Variants in TARBP1 observed in about 807,000 individuals in gnomAD.
TARBP1 encodes the protein tRNA (guanosine(18)-2'-O)-methyltransferase TARBP1.
TARBP1 carries 144 observed loss-of-function variants against 178.6 expected under a neutral mutation model. That is an observed-to-expected ratio of 0.81 (90% CI 0.70 to 0.93). The LOEUF (loss-of-function observed/expected upper bound fraction) is 0.93, where lower values mean the gene tolerates loss of function less well. Ranked by LOEUF, TARBP1 falls within the 40% of genes least tolerant of loss-of-function variation. The probability of loss-of-function intolerance (pLI) is 0.00; values close to 1 mark genes in which losing one functional copy is unlikely to be tolerated. For missense variants in TARBP1, 2,067 were observed against 2,011.7 expected, an observed-to-expected ratio of 1.03 and a Z score of -0.53; for synonymous variants, 787 against 781.0, an observed-to-expected ratio of 1.01 and a Z score of -0.13.
At chr1:234,403,747 A>C (rs534102880) in intron 24 of TARBP1, among the ~76,000 whole-genome samples, 1 of 152,200 alleles carries the variant, frequency 6.6e-6, no homozygotes, top group African/African-American at 2.4e-5. Flanking sequence ...GCAGTGGCGC[A>C]ATCTTGGCTC....
intron 12 of TARBP1, among the ~76,000 whole-genome samples, chr1:234,443,793 T>C (rs1412930094): frequency 3.3e-5 from 5 of 152,212 alleles, no homozygotes; most frequent in Non-Finnish European, 7.3e-5. Context: ...CAAAGCATGA[T>C]ACATGCTACA....
Position 234,402,648 on chromosome 1 carries a change from C to T in TARBP1, c.3990-1386G>A, listed in dbSNP as rs193288040. 1.8e-3 allele frequency among the ~76,000 whole-genome samples: 281 copies of T among 152,142 alleles called. 1 individual carries two copies. Among genetic ancestry groups the T allele is most frequent in the African/African-American group, 6.5e-3 (269 of 41,514 alleles). On this transcript the variant is annotated intron_variant, in intron 24 of 29. Transcript: ENST00000040877. Reference sequence around the variant, plus strand: ...GGAGTGCAGTGGTGCAATCTCCGCTCACTGCAGCCTCAACTTCTTGGGCTC... The same window carrying T: ...GGAGTGCAGTGGTGCAATCTCCGCTTACTGCAGCCTCAACTTCTTGGGCTC...
chr1:234,476,342 A>G (rs1418040895), intron 1 of TARBP1, among the ~76,000 whole-genome samples: 1 of 152,238 alleles, frequency 6.6e-6, no homozygotes, highest in East Asian at 1.9e-4. Flanking sequence ...CAAGTGAGTA[A>G]AGCAAAAAAG....
chr1:234,428,792 C>T (rs886114646), intron 17 of TARBP1, among the ~76,000 whole-genome samples: 7 of 152,164 alleles, frequency 4.6e-5, no homozygotes, highest in African/African-American at 1.2e-4. Flanking sequence ...GTGATCCGCC[C>T]GCCTCAGCCT....
chr1:234,417,328 ACAGG>A (rs1201101928), intron 22 of TARBP1, among the ~76,000 whole-genome samples: 2 of 151,684 alleles, frequency 1.3e-5, no homozygotes, highest in Non-Finnish European at 2.9e-5. Context: ...CAAACAGGTC[ACAGG>A]GGATAGATGT....
At chr1:234,425,437 C>T (rs765420908) in intron 20 of TARBP1, among the ~76,000 whole-genome samples, 26 of 151,976 alleles carry the variant, frequency 1.7e-4, no homozygotes, top group African/African-American at 5.8e-4. Context: ...CCCAGCTGGT[C>T]GCAAACTCCT....
At chr1:234,427,997 C>A (rs2103120995) in intron 17 of TARBP1, among the ~76,000 whole-genome samples, 1 of 152,300 alleles carries the variant, frequency 6.6e-6, no homozygotes, top group East Asian at 1.9e-4. Context: ...CAGGACTCTT[C>A]AAGAGAAACA....
chr1:234,409,001 G>C (rs910321107), intron 23 of TARBP1, among the ~76,000 whole-genome samples: 3 of 152,362 alleles, frequency 2.0e-5, no homozygotes, highest in African/African-American at 7.2e-5. Context: ...TGCAGGTTAA[G>C]TAAGATGCTT....
At position 234,479,090 on chromosome 1, in the gene TARBP1, A is replaced by G. The variant is rs1218936455; in HGVS notation, c.14T>C (p.Leu5Pro). Residue 5 changes from leucine to proline, a missense_variant, in exon 1 of 30, where the codon CTC (leucine) becomes CCC (proline). By Grantham distance (98) the Leu-to-Pro change is moderately conservative (BLOSUM62 -3). Transcript: ENST00000040877. MEWV[L>P]AEALLSQSRD... ...GCTCTGCGAGAGCAGCGCTTCCGCG[A>G]GCACCCACTCCATTTGCCGAGCGCC... 3 of 1,538,274 alleles carry G rather than the reference A, an allele frequency of 2.0e-6. No individual in the cohort carries two copies. The highest frequency in any genetic ancestry group is 1.7e-6 in the Non-Finnish European group (2 of 1,155,426).
rs780638354 is a variant in TARBP1, at chr1:234,467,478, A to G, written c.1248+24T>C. 13 of 1,528,394 alleles carry G rather than the reference A, an allele frequency of 8.5e-6. No homozygotes were observed. In the South Asian group the frequency reaches 1.7e-4, roughly 20 times the overall value. 94.7% of individuals were successfully genotyped at this position (1,528,394 alleles called of 1,614,324 possible). ...CTCTCGCCTTTCAACAATGGGAGCA[A>G]GGAAGGGGACAGGGTGTCATTACCT... On this transcript the variant is annotated intron_variant, in intron 4 of 29. Coordinates refer to ENST00000040877, the MANE Select transcript of TARBP1 (RefSeq NM_005646.4).
At chr1:234,437,715 T>A (rs1235242204) in intron 12 of TARBP1, among the ~76,000 whole-genome samples, 2 of 151,918 alleles carry the variant, frequency 1.3e-5, no homozygotes, top group Non-Finnish European at 2.9e-5. Context: ...CAGTGGTGAG[T>A]TTACTAATGT....
intron 9 of TARBP1, among the ~76,000 whole-genome samples, chr1:234,451,766 A>AAAAAAAAAAAAAAACAAAAAAAC (rs57636903): frequency 0.094 from 1,595 of 16,938 alleles, 541 homozygotes; most frequent in East Asian, 0.48. Context: ...AAAAAAAAAA[A>AAAAAAAAAAAAAAACAAAAAAAC]TGATGAATGA....
At chr1:234,414,051 G>A (rs1662146841) in intron 22 of TARBP1, among the ~76,000 whole-genome samples, 1 of 152,148 alleles carries the variant, frequency 6.6e-6, no homozygotes, top group South Asian at 2.1e-4. Flanking sequence ...TTAGTCTAAG[G>A]GAAAATCATC....
At chr1:234,457,899 C>T (rs968101420) in intron 8 of TARBP1, 143 bp from the exon 9 acceptor site, 14 of 514,706 alleles carry the variant, frequency 2.7e-5, no homozygotes, top group Non-Finnish European at 4.6e-5. Flanking sequence ...ATATCATTAG[C>T]TAAATCAAAA....
At position 234,437,335 on chromosome 1, in the gene TARBP1, A is replaced by C; in HGVS notation, c.2172T>G (p.Ser724=). The change falls in exon 13 of 30, where the codon TCT becomes TCG. Residue 724 remains serine, a synonymous_variant. Coordinates refer to ENST00000040877, the MANE Select transcript of TARBP1 (RefSeq NM_005646.4). ...VSTVLQNFFM[S]TTESISEFIL... The stretch of plus-strand genomic sequence containing the variant: ...TAAATTCAGAAATGCTCTCTGTAGT[A>C]GACATGAAAAAGTTCTGAAGAACAG... The C allele has an allele frequency of 6.3e-7, 1 of 1,596,882 alleles. No individual in the cohort carries two copies. The highest frequency in any genetic ancestry group is 8.5e-7 in the Non-Finnish European group (1 of 1,171,590).
intron 13 of TARBP1, among the ~76,000 whole-genome samples, chr1:234,433,785 A>T (rs1230814762): frequency 6.6e-6 from 1 of 152,222 alleles, no homozygotes; most frequent in Non-Finnish European, 1.5e-5. Flanking sequence ...ATTCAGCACA[A>T]TTATGGTGCA....
At position 234,401,228 on chromosome 1, in the gene TARBP1, G is replaced by A; in HGVS notation, c.4024C>T (p.His1342Tyr). Residue 1342 changes from histidine to tyrosine, a missense_variant, in exon 25 of 30, where the codon CAT becomes TAT. By Grantham distance (83) the His-to-Tyr change is moderately conservative (BLOSUM62 2). Coordinates refer to ENST00000040877, the MANE Select transcript of TARBP1 (RefSeq NM_005646.4). ...GGGTGAAATGTTGCAAAAAAGAAAT[G>A]CTCCTGAATGCGTTGCCAATTCTTC... ...AKKNWQRIQE[H>Y]FFFATFHPLK... 1 of 1,613,582 alleles carries A rather than the reference G, an allele frequency of 6.2e-7. No homozygotes were observed. Among genetic ancestry groups the A allele is most frequent in the Non-Finnish European group, 8.5e-7 (1 of 1,179,754 alleles).
intron 26 of TARBP1, among the ~76,000 whole-genome samples, chr1:234,396,018 A>G (rs971761712): frequency 3.3e-5 from 5 of 152,174 alleles, no homozygotes; most frequent in African/African-American, 1.2e-4. Flanking sequence ...GCCACACTGT[A>G]CCCCATAAAT....
intron 22 of TARBP1, among the ~76,000 whole-genome samples, chr1:234,415,075 G>A (rs892355311): frequency 6.6e-6 from 1 of 152,138 alleles, no homozygotes; most frequent in African/African-American, 2.4e-5. Context: ...AAATAGTAGA[G>A]AGCCAGGGTG....
Sources: allele counts gnomAD v4.1 joint callset (sites outside exome capture counted in the v4.1 genomes callset), GRCh38; gene constraint gnomAD v4.1.1; transcripts MANE v1.5; gene names NCBI Gene and HGNC (gene_info 2026-07-23, HGNC 2026-07-21).